Variants in DIP2B observed in about 807,000 individuals in gnomAD.
DIP2B encodes the protein DIP2 acetate--CoA ligase B (putative), also known as disco-interacting protein 2 homolog B.
In DIP2B, 76 loss-of-function variants were observed where a neutral mutation model predicts 198.0. The observed-to-expected ratio is 0.38, with a 90% CI of 0.32 to 0.46. DIP2B has a LOEUF of 0.46. Ranked by LOEUF, DIP2B falls within the 20% of genes least tolerant of loss-of-function variation. The pLI, the probability that DIP2B is intolerant of heterozygous loss-of-function variation, is 0.99. For missense variants in DIP2B, 1,559 were observed against 1,978.4 expected (o/e 0.79, Z 4.02); for synonymous variants, 701 against 739.1 (o/e 0.95, Z 0.84).
At position 50,728,664 on chromosome 12, in the gene DIP2B, C is replaced by T. The variant is rs1370245283; in HGVS notation, c.3627C>T (p.Leu1209=). The T allele has an allele frequency of 6.2e-7, 1 of 1,613,912 alleles. No homozygotes were observed. Among genetic ancestry groups the T allele is most frequent in the South Asian group, 1.1e-5 (1 of 91,026 alleles). ...LDPYCGLGFA[L]WCLCSVYSGH... ...CTTACTGTGGACTTGGCTTCGCGCT[C>T]TGGTGTCTCTGCAGGTAGGGATGGA... Residue 1209 remains leucine (L), a synonymous_variant, in exon 30 of 38, where the codon CTC becomes CTT. Coordinates refer to ENST00000301180, the MANE Select transcript of DIP2B (RefSeq NM_173602.3).
intron 1 of DIP2B, among the ~76,000 whole-genome samples, chr12:50,592,467 G>T (rs528039109): frequency 5.3e-5 from 8 of 151,756 alleles, no homozygotes; most frequent in Non-Finnish European, 1.2e-4. Flanking sequence ...TTAACTTTTA[G>T]ATTATTTATT....
Position 50,631,370 on chromosome 12 carries a change from G to A in DIP2B, c.172+5323G>A, listed in dbSNP as rs532767948. ...GCCTCCCGAGTAGCTGAGATTACAG[G>A]CACCTGCCACCACACTCGGCTAATT... On this transcript the variant is annotated intron_variant, in intron 2 of 37. Transcript: ENST00000301180. Among the ~76,000 whole-genome samples the A allele has an allele frequency of 1.4e-4, 22 of 152,070 alleles. 1 individual carries two copies. The highest frequency in any genetic ancestry group is 4.8e-4 in the African/African-American group (20 of 41,488).
chr12:50,683,201 C>T lies in DIP2B; in HGVS notation c.1270C>T (p.Leu424=). The T allele has an allele frequency of 6.2e-7, 1 of 1,612,852 alleles. No homozygotes were observed. Among genetic ancestry groups the T allele is most frequent in the South Asian group, 1.1e-5 (1 of 90,626 alleles). Residue 424 remains leucine, a synonymous_variant, in exon 10 of 38, where the codon CTG becomes TTG. Transcript: ENST00000301180. ...MFMVAFYGCL[L]AEVIPVPIEV... ...TATGGTGGCTTTCTATGGATGCCTC[C>T]TGGCAGAAGTGATTCCAGTGCCTAT...
intron 1 of DIP2B, among the ~76,000 whole-genome samples, chr12:50,561,152 T>G (rs1958516489): frequency 6.6e-6 from 1 of 152,182 alleles, no homozygotes; most frequent in South Asian, 2.1e-4. Context: ...ATAACTTACC[T>G]TTTCTTGCCC....
At chr12:50,521,700 T>C (rs1958121685) in intron 1 of DIP2B, among the ~76,000 whole-genome samples, 1 of 151,820 alleles carries the variant, frequency 6.6e-6, no homozygotes, top group African/African-American at 2.4e-5. Context: ...TTCTCCGTGT[T>C]AGCCAGGCTG....
At chr12:50,657,891 A>G (rs1938581230) in intron 3 of DIP2B, among the ~76,000 whole-genome samples, 1 of 152,134 alleles carries the variant, frequency 6.6e-6, no homozygotes, top group East Asian at 1.9e-4. Flanking sequence ...GGTGGGAGGG[A>G]AAACCTATAG....
At chr12:50,557,646 A>G (rs541449388) in intron 1 of DIP2B, among the ~76,000 whole-genome samples, 4 of 152,344 alleles carry the variant, frequency 2.6e-5, no homozygotes, top group African/African-American at 9.6e-5. Flanking sequence ...GCTGGAGCCC[A>G]TGGCAGGCAA....
intron 1 of DIP2B, among the ~76,000 whole-genome samples, chr12:50,579,573 C>T (rs1429182224): frequency 7.7e-6 from 1 of 129,666 alleles, no homozygotes; most frequent in African/African-American, 2.9e-5. Context: ...GATCATGGCA[C>T]TGTACTCCAG....
chr12:50,630,107 G>C (rs1195546034), intron 2 of DIP2B, among the ~76,000 whole-genome samples: 1 of 151,630 alleles, frequency 6.6e-6, no homozygotes, highest in African/African-American at 2.4e-5. Flanking sequence ...GTGCCACCAC[G>C]CCCAGCTAAT....
chr12:50,713,442 T>G (rs1414985514), intron 22 of DIP2B, among the ~76,000 whole-genome samples: 1 of 152,272 alleles, frequency 6.6e-6, no homozygotes, highest in East Asian at 1.9e-4. Context: ...ACATAATATT[T>G]AATTACATTA....
chr12:50,623,435 ACACTCTCTCT>A (rs1308968275), intron 1 of DIP2B, among the ~76,000 whole-genome samples: 69 of 41,362 alleles, frequency 1.7e-3, no homozygotes, highest in African/African-American at 6.1e-3. Context: ...ACACACACAC[ACACTCTCTCT>A]CTCTCTCTCT....
intron 1 of DIP2B, among the ~76,000 whole-genome samples, chr12:50,597,126 C>T (rs1052525645): frequency 2.6e-5 from 4 of 152,158 alleles, no homozygotes; most frequent in Non-Finnish European, 5.9e-5. Context: ...TACCAAGGCA[C>T]TCCACTACAC....
intron 3 of DIP2B, among the ~76,000 whole-genome samples, chr12:50,652,314 ATATATATAT>A (rs1938469276): frequency 7.2e-6 from 1 of 139,712 alleles, no homozygotes; most frequent in Non-Finnish European, 1.5e-5. Flanking sequence ...CTCTGCAAAA[ATATATATAT>A]TATATATATA....
At chr12:50,648,874 C>G (rs1017615238) in intron 3 of DIP2B, among the ~76,000 whole-genome samples, 7 of 152,104 alleles carry the variant, frequency 4.6e-5, no homozygotes, top group African/African-American at 1.4e-4. Flanking sequence ...CTAGAAAACT[C>G]GAGAGAATCA....
At chr12:50,732,315 A>C in intron 31 of DIP2B, 51 bp from the exon 32 acceptor site, 1 of 1,602,970 alleles carries the variant, frequency 6.2e-7, no homozygotes, top group South Asian at 1.1e-5. Context: ...TTACCTGTTC[A>C]GTTCTTTTAT....
At chr12:50,657,798 G>T (rs983513362) in intron 3 of DIP2B, among the ~76,000 whole-genome samples, 8 of 152,120 alleles carry the variant, frequency 5.3e-5, no homozygotes, top group Admixed American at 3.3e-4. Flanking sequence ...GTAAGGCTGA[G>T]AAACAGTTCT....
intron 1 of DIP2B, among the ~76,000 whole-genome samples, chr12:50,604,948 T>C (rs1039150843): frequency 9.9e-5 from 15 of 152,184 alleles, no homozygotes; most frequent in African/African-American, 3.4e-4. Flanking sequence ...GTAGCCGGTA[T>C]CACTTCAGAT....
chr12:50,635,542 A>G (rs138783637), intron 2 of DIP2B, among the ~76,000 whole-genome samples: 6 of 152,268 alleles, frequency 3.9e-5, no homozygotes, highest in East Asian at 1.9e-4. Flanking sequence ...TCCAGTTCCT[A>G]TAAGTACACT....
chr12:50,650,497 A>G (rs899582747), intron 3 of DIP2B, among the ~76,000 whole-genome samples: 3 of 152,172 alleles, frequency 2.0e-5, no homozygotes, highest in African/African-American at 7.2e-5. Context: ...GCCTCCAGCA[A>G]CCACCATTCT....
Sources: gnomAD v4.1 joint callset for allele counts (sites outside exome capture counted in the v4.1 genomes callset) on GRCh38, gnomAD v4.1.1 for gene constraint, MANE v1.5 for transcripts, NCBI Gene and HGNC (gene_info 2026-07-23, HGNC 2026-07-21) for gene names.